EHBP1: variants seen among roughly 807,000 people sequenced by gnomAD.
EHBP1 encodes EH domain binding protein 1, also known as EH domain-binding protein 1.
EHBP1 carries 55 observed loss-of-function variants against 144.0 expected under a neutral mutation model. The observed-to-expected ratio is 0.38, with a 90% CI of 0.31 to 0.48. The LOEUF (loss-of-function observed/expected upper bound fraction) is 0.48. Among genes scored for constraint, EHBP1 ranks in the 20% least tolerant of loss-of-function variants. The pLI, the probability that EHBP1 is intolerant of heterozygous loss-of-function variation, is 0.98. For synonymous variants in EHBP1, 469 were observed against 472.7 expected, an observed-to-expected ratio of 0.99 and a Z score of 0.10; for missense variants, 1,200 against 1,364.2, an observed-to-expected ratio of 0.88 and a Z score of 1.90.
intron 1 of EHBP1, among the ~76,000 whole-genome samples, chr2:62,684,377 C>T (rs552948198): frequency 1.5e-4 from 23 of 152,260 alleles, no homozygotes; most frequent in Middle Eastern, 6.8e-3. Flanking sequence ...AACACTGCTT[C>T]TGCTCCATTT....
chr2:62,998,835 T>C (rs1323491628), intron 19 of EHBP1, among the ~76,000 whole-genome samples: 2 of 152,160 alleles, frequency 1.3e-5, no homozygotes, highest in Non-Finnish European at 2.9e-5. Context: ...TGAGTTGGTC[T>C]CCCAAGTTCA....
At chr2:62,960,971 C>A (rs1044712518) in intron 14 of EHBP1, among the ~76,000 whole-genome samples, 2 of 152,158 alleles carry the variant, frequency 1.3e-5, no homozygotes, top group African/African-American at 4.8e-5. Flanking sequence ...TTTCCCATAT[C>A]CTGGGACTCT....
intron 1 of EHBP1, among the ~76,000 whole-genome samples, chr2:62,684,457 A>G (rs537158300): frequency 1.8e-4 from 27 of 152,322 alleles, no homozygotes; most frequent in Middle Eastern, 3.4e-3. Context: ...TCTTCAAGGA[A>G]GGGAAAAAGC....
intron 5 of EHBP1, among the ~76,000 whole-genome samples, chr2:62,823,872 G>A (rs2046159604): frequency 6.6e-6 from 1 of 151,942 alleles, no homozygotes; most frequent in African/African-American, 2.4e-5. Context: ...TTAGTATTGG[G>A]AATGGATATC....
chr2:62,826,063 CT>C (rs759972072), intron 5 of EHBP1, 23 bp from the exon 6 acceptor site: 92 of 1,407,084 alleles, frequency 6.5e-5, no homozygotes, highest in East Asian at 3.1e-4. Context: ...AAATTACATA[CT>C]TTTTTTTTCT....
intron 7 of EHBP1, among the ~76,000 whole-genome samples, chr2:62,839,697 AACAG>A (rs1416271259): frequency 2.0e-5 from 3 of 151,590 alleles, no homozygotes; most frequent in African/African-American, 4.8e-5. Flanking sequence ...ATACACCAAC[AACAG>A]ACAGAGAGCC....
intron 2 of EHBP1, among the ~76,000 whole-genome samples, chr2:62,727,694 T>C (rs539691357): frequency 1.3e-5 from 2 of 152,324 alleles, no homozygotes; most frequent in South Asian, 4.1e-4. Flanking sequence ...TACCCATTCA[T>C]CAGTTGATGA....
intron 1 of EHBP1, among the ~76,000 whole-genome samples, chr2:62,679,791 T>G (rs2033446939): frequency 6.6e-6 from 1 of 152,248 alleles, no homozygotes; most frequent in Non-Finnish European, 1.5e-5. Flanking sequence ...ACCACTTGAC[T>G]TCAAGGTTAA....
At chr2:62,696,481 TTTTTC>T (rs1229481681) in intron 1 of EHBP1, among the ~76,000 whole-genome samples, 15 of 150,342 alleles carry the variant, frequency 1.0e-4, no homozygotes, top group Non-Finnish European at 1.8e-4. Context: ...CTCTTTTTTC[TTTTTC>T]TTTTCTTTTC....
chr2:62,918,130 C>T (rs2054787900), intron 10 of EHBP1, among the ~76,000 whole-genome samples: 1 of 152,110 alleles, frequency 6.6e-6, no homozygotes, highest in South Asian at 2.1e-4. Flanking sequence ...CTCCTGACCT[C>T]AAGTGATCCA....
rs372910449 is a variant in EHBP1, at chr2:62,802,793, C to T, written c.313-23294C>T. Among the ~76,000 whole-genome samples, 8 of 145,954 alleles carry T rather than the reference C, an allele frequency of 5.5e-5. 1 individual carries two copies. The highest frequency in any genetic ancestry group is 1.8e-4 in the African/African-American group (7 of 39,330). On this transcript the variant is annotated intron_variant, in intron 5 of 22. Transcript: ENST00000431489. ...AGGCTGGAGTGCAGTGGTGCAATCTCGGCTCACTGCAACCTCCGCCTCCAA... is the reference window on the plus strand; with the variant it reads ...AGGCTGGAGTGCAGTGGTGCAATCTTGGCTCACTGCAACCTCCGCCTCCAA...
At chr2:62,791,585 A>G (rs2043171926) in intron 5 of EHBP1, among the ~76,000 whole-genome samples, 1 of 151,992 alleles carries the variant, frequency 6.6e-6, no homozygotes, top group Non-Finnish European at 1.5e-5. Context: ...TAAATTCTGT[A>G]ATCGAGTGAA....
At chr2:62,942,384 A>G (rs2056809633) in intron 10 of EHBP1, among the ~76,000 whole-genome samples, 1 of 152,182 alleles carries the variant, frequency 6.6e-6, no homozygotes, top group East Asian at 1.9e-4. Flanking sequence ...TTTGGGGGAA[A>G]TTTTGAGGGT....
rs774238457 is a variant in EHBP1, at chr2:62,766,958, T to TAA, written c.258+2618_258+2619dup. Among the ~76,000 whole-genome samples the TAA allele has an allele frequency of 7.8e-4, 83 of 105,814 alleles. No individual in the cohort carries two copies. In the Middle Eastern group the frequency reaches 0.014, roughly 18 times the overall value. The allele number at this position is 105,814 out of a possible 152,430, so 69.4% of individuals were successfully genotyped here. ...AAATGCTTGCAAAAGTGTGCTTCAT[T>TAA]AAAAAAAAAAAAAAAAAAAAAAGGT... On this transcript the variant is annotated intron_variant, in intron 4 of 22. Transcript: ENST00000431489.
Position 62,819,776 on chromosome 2 carries a change from A to C in EHBP1, c.313-6311A>C, listed in dbSNP as rs560930331. Among the ~76,000 whole-genome samples the C allele has an allele frequency of 7.3e-4, 110 of 151,390 alleles. 1 individual carries two copies. The highest frequency in any genetic ancestry group is 4.6e-3 in the South Asian group (22 of 4,798). On this transcript the variant is annotated intron_variant, in intron 5 of 22. Coordinates refer to ENST00000431489, the MANE Select transcript of EHBP1 (RefSeq NM_001142616.3). ...GAGACTCCAGCTCAAAAAAACAAAA[A>C]AAAAAAAACCCGCGACAACCCATAT... is the stretch of plus-strand genomic sequence containing the variant.
At chr2:62,901,751 A>T (rs1237787160) in intron 10 of EHBP1, among the ~76,000 whole-genome samples, 1 of 152,026 alleles carries the variant, frequency 6.6e-6, no homozygotes, top group Non-Finnish European at 1.5e-5. Flanking sequence ...GGATCATTTG[A>T]GTCCAGGAGT....
At position 62,863,865 on chromosome 2, in the gene EHBP1, T is replaced by TA. The variant is rs1553451188; in HGVS notation, c.758-863dup. Among the ~76,000 whole-genome samples the TA allele has an allele frequency of 1.2e-4, 17 of 144,956 alleles. No homozygotes were observed. In the East Asian group the frequency reaches 3.0e-3, roughly 25 times the overall value. ...GTTTTTTTTTTTTTTTTTTTTTTTT[T>TA]AAACAGAGTCTCGCTCTGTTGCCCA... On this transcript the variant is annotated intron_variant, in intron 8 of 22. Transcript: ENST00000431489.
chr2:62,729,523 A>T (rs1304031590), intron 2 of EHBP1, among the ~76,000 whole-genome samples: 2 of 91,898 alleles, frequency 2.2e-5, no homozygotes, highest in Non-Finnish European at 4.2e-5. Context: ...AAAATAAATA[A>T]ATATAATATA....
intron 10 of EHBP1, among the ~76,000 whole-genome samples, chr2:62,887,432 T>TTAAAATAAAATAAAA (rs1332928339): frequency 6.6e-6 from 1 of 152,126 alleles, no homozygotes; most frequent in Non-Finnish European, 1.5e-5. Flanking sequence ...AAGAGTCTTT[T>TTAAAATAAAATAAAA]TAAAATAACA....
Sources: allele counts gnomAD v4.1 joint callset (sites outside exome capture counted in the v4.1 genomes callset), GRCh38; gene constraint gnomAD v4.1.1; transcripts MANE v1.5; gene names NCBI Gene and HGNC (gene_info 2026-07-23, HGNC 2026-07-21).